CLCA1: variants seen among roughly 807,000 people sequenced by gnomAD.
The protein encoded by CLCA1 is chloride channel accessory 1, also known as calcium-activated chloride channel regulator 1.
A neutral mutation model predicts 85.6 loss-of-function variants in CLCA1; 59 were observed. The observed-to-expected ratio is 0.69, with a 90% CI of 0.56 to 0.86. The LOEUF (loss-of-function observed/expected upper bound fraction) is 0.86, where lower values mean the gene tolerates loss of function less well. CLCA1 is among the 40% of genes least tolerant of loss of function. The pLI is 0.00. For missense variants in CLCA1, 1,022 were observed against 1,101.4 expected (o/e 0.93, Z 1.02); for synonymous variants, 396 against 398.3 (o/e 0.99, Z 0.07).
At chr1:86,483,802 G>T (rs1480876951) in intron 5 of CLCA1, among the ~76,000 whole-genome samples, 1 of 152,128 alleles carries the variant, frequency 6.6e-6, no homozygotes, top group African/African-American at 2.4e-5. Flanking sequence ...TAGTAAGCAG[G>T]TTTCTGTAAT....
chr1:86,470,323 G>T (rs1442174215), intron 1 of CLCA1, among the ~76,000 whole-genome samples: 2 of 152,128 alleles, frequency 1.3e-5, no homozygotes, highest in African/African-American at 4.8e-5. Flanking sequence ...GGCTGTCTGT[G>T]GTAAAAGGGA....
intron 4 of CLCA1, among the ~76,000 whole-genome samples, chr1:86,480,677 T>C (rs1647793744): frequency 6.6e-6 from 1 of 152,136 alleles, no homozygotes; most frequent in South Asian, 2.1e-4. Flanking sequence ...ATAATAAAAA[T>C]GTTCATACTT....
chr1:86,481,317 T>C (rs1321696), intron 4 of CLCA1, among the ~76,000 whole-genome samples: 70,625 of 151,556 alleles, frequency 0.47, 16,590 homozygotes, highest in Middle Eastern at 0.61. Context: ...TCATTGTATT[T>C]CTGGTAGAGT....
At chr1:86,495,804 T>G (rs144514835) in intron 12 of CLCA1, 129 bp downstream of exon 12, 1 of 863,748 alleles carries the variant, frequency 1.2e-6, no homozygotes, top group East Asian at 2.7e-5. Flanking sequence ...TATTAAGATT[T>G]TGAGCCAGAC....
At chr1:86,490,788 G>A (rs1171073850) in intron 8 of CLCA1, among the ~76,000 whole-genome samples, 1 of 151,882 alleles carries the variant, frequency 6.6e-6, no homozygotes, top group African/African-American at 2.4e-5. Flanking sequence ...ATTAGTGGCT[G>A]GGTGTGGTGG....
intron 4 of CLCA1, among the ~76,000 whole-genome samples, chr1:86,478,684 G>A (rs1187563783): frequency 1.3e-5 from 2 of 152,162 alleles, no homozygotes; most frequent in Non-Finnish European, 2.9e-5. Flanking sequence ...TGGCAGAAAG[G>A]GTGATTAGTA....
intron 12 of CLCA1, among the ~76,000 whole-genome samples, chr1:86,497,631 A>G (rs1648327668): frequency 6.6e-6 from 1 of 152,226 alleles, no homozygotes; most frequent in Admixed American, 6.5e-5. Context: ...TCAAAAGCAC[A>G]AAATTTTGGA....
Position 86,498,929 on chromosome 1 carries a change from T to C in CLCA1, c.2353+118T>C, listed in dbSNP as rs1648380098. Reference sequence around the variant, plus strand: ...TAGGGGGCAGAAGGCAGGAGGGATCTTGCCGGTCCTTTGAAATGAGGGATA... The same window carrying C: ...TAGGGGGCAGAAGGCAGGAGGGATCCTGCCGGTCCTTTGAAATGAGGGATA... On this transcript the variant is annotated intron_variant, in intron 13 of 13. Coordinates refer to ENST00000394711, the MANE Select transcript of CLCA1 (RefSeq NM_001285.4). 4.5e-6 allele frequency: 5 copies of C among 1,108,826 alleles called. No individual in the cohort carries two copies. The South Asian group carries it at 6.7e-5, about 15-fold the overall frequency. 68.7% of individuals were successfully genotyped at this position (1,108,826 alleles called of 1,614,324 possible).
At chr1:86,497,291 A>G (rs1267369119) in intron 12 of CLCA1, among the ~76,000 whole-genome samples, 1 of 152,226 alleles carries the variant, frequency 6.6e-6, no homozygotes, top group Non-Finnish European at 1.5e-5. Flanking sequence ...TGCTTTCAAC[A>G]TGAACCCTGA....
At chr1:86,477,218 A>T (rs2101731069) in intron 4 of CLCA1, among the ~76,000 whole-genome samples, 1 of 152,172 alleles carries the variant, frequency 6.6e-6, no homozygotes, top group East Asian at 1.9e-4. Context: ...GACCTGCCAA[A>T]GTGCTGGGAC....
intron 9 of CLCA1, among the ~76,000 whole-genome samples, chr1:86,492,693 AG>A (rs2101745447): frequency 6.6e-6 from 1 of 152,330 alleles, no homozygotes; most frequent in Non-Finnish European, 1.5e-5. Context: ...CCCACTCTGC[AG>A]CTCCCTCATT....
intron 9 of CLCA1, 68 bp downstream of exon 9, chr1:86,491,439 G>C: frequency 9.2e-7 from 1 of 1,090,122 alleles, no homozygotes. Context: ...GAATTTAATG[G>C]CTAAAAGTTT....
chr1:86,469,072 G>T lies in CLCA1; in HGVS notation c.101G>T (p.Gly34Val). The T allele has an allele frequency of 3.1e-6, 5 of 1,611,642 alleles. No individual in the cohort carries two copies. The highest frequency in any genetic ancestry group is 4.2e-6 in the Non-Finnish European group (5 of 1,178,436). ...LIQLNNNGYE[G>V]IVVAIDPNVP... is the part of the protein sequence containing the mutation. ...CAGCTGAACAACAATGGCTATGAAGGCATTGTCGTTGCAATCGACCCCAAT... is the reference window on the plus strand; with the variant it reads ...CAGCTGAACAACAATGGCTATGAAGTCATTGTCGTTGCAATCGACCCCAAT... The change falls in exon 1 of 14, where the codon GGC becomes GTC. Residue 34 changes from glycine (G) to valine (V), a missense_variant. Gly to Val is a moderately radical substitution (Grantham distance 109). Coordinates refer to ENST00000394711, the MANE Select transcript of CLCA1 (RefSeq NM_001285.4).
chr1:86,490,846 G>T (rs5744387), intron 8 of CLCA1, among the ~76,000 whole-genome samples: 40,669 of 146,752 alleles, frequency 0.28, 5,858 homozygotes, highest in East Asian at 0.54. Flanking sequence ...CAGGTGGATT[G>T]ATTGAGCCCA....
chr1:86,494,442 G>T lies in CLCA1; in HGVS notation c.1936G>T (p.Gly646Ter). 6.2e-7 allele frequency: 1 copy of T among 1,613,864 alleles called. No individual in the cohort carries two copies. Among genetic ancestry groups the T allele is most frequent in the Non-Finnish European group, 8.5e-7 (1 of 1,179,754 alleles). The part of the protein sequence containing the change: ...KTVTLELLDN[G>*]AGADATKDDG... ...AGTTACCTTGGAACTACTGGATAAT[G>T]GAGCAGGTAATCACCCAAGAAATTG... is the stretch of plus-strand genomic sequence containing the variant. The change falls in exon 11 of 14, where the codon GGA (glycine) becomes TGA (stop). Residue 646 changes from glycine to a stop codon, truncating the protein, a stop_gained. Transcript: ENST00000394711. LOFTEE classifies it high-confidence loss of function.
At chr1:86,493,746 T>C in intron 10 of CLCA1, 147 bp downstream of exon 10, 1 of 642,966 alleles carries the variant, frequency 1.6e-6, no homozygotes, top group Middle Eastern at 4.1e-4. Context: ...AAAATCTCCA[T>C]CCAATGAAAA....
intron 1 of CLCA1, among the ~76,000 whole-genome samples, chr1:86,470,163 C>T (rs1006639208): frequency 2.0e-5 from 3 of 152,104 alleles, no homozygotes; most frequent in South Asian, 2.1e-4. Context: ...CTGCTCTAAG[C>T]AGAGGCAAAT....
In CLCA1 at chr1:86,498,580, C is replaced by T. The variant is rs756660284; in HGVS notation, c.2122C>T (p.Gln708Ter). 2 of 1,612,950 alleles carry T rather than the reference C, an allele frequency of 1.2e-6. No homozygotes were observed. Among genetic ancestry groups the T allele is most frequent in the Admixed American group, 1.7e-5 (1 of 59,976 alleles). ...GTATTTTTTTAATGCAGATGAAATA[C>T]AATGGAATCCACCAAGACCTGAAAT... ...IPGWIENDEI[Q>*]WNPPRPEINK... Residue 708 changes from glutamine to a stop codon, truncating the protein, a stop_gained, in exon 13 of 14, where the codon CAA becomes TAA. Transcript: ENST00000394711. LOFTEE classifies it high-confidence loss of function.
At chr1:86,485,190 G>T (rs1325300129) in intron 5 of CLCA1, among the ~76,000 whole-genome samples, 153 bp from the exon 6 acceptor site, 2 of 152,152 alleles carry the variant, frequency 1.3e-5, no homozygotes, top group Admixed American at 1.3e-4. Context: ...TAGGAAATCT[G>T]CATTATTACT....
Sources: gnomAD v4.1 joint callset for allele counts (sites outside exome capture counted in the v4.1 genomes callset) on GRCh38, gnomAD v4.1.1 for gene constraint, MANE v1.5 for transcripts, NCBI Gene and HGNC (gene_info 2026-07-23, HGNC 2026-07-21) for gene names.